EIF4G3: variants seen among roughly 807,000 people sequenced by gnomAD.
EIF4G3 encodes the protein eukaryotic translation initiation factor 4 gamma 3.
Under a neutral mutation model 186.4 loss-of-function variants are expected in EIF4G3, and 34 were observed. The observed-to-expected ratio is 0.18, with a 90% CI of 0.14 to 0.24. EIF4G3 has a LOEUF of 0.24. Among genes scored for constraint, EIF4G3 ranks in the 10% least tolerant of loss-of-function variants. The pLI, the probability that EIF4G3 is intolerant of heterozygous loss-of-function variation, is 1.00. For synonymous variants in EIF4G3, 673 were observed against 679.5 expected (o/e 0.99, Z 0.15); for missense variants, 1,536 against 1,948.5 (o/e 0.79, Z 3.99).
chr1:20,892,715 C>G, intron 18 of EIF4G3: 1 of 1,534,770 alleles, frequency 6.5e-7, no homozygotes, highest in Non-Finnish European at 8.7e-7. Context: ...CATGCCTGCT[C>G]TGCACTTTGC....
intron 12 of EIF4G3, among the ~76,000 whole-genome samples, chr1:20,967,986 T>G (rs562076662): frequency 1.4e-4 from 21 of 152,312 alleles, no homozygotes; most frequent in African/African-American, 5.1e-4. Flanking sequence ...AGGGACAGGA[T>G]CTTGCTATGT....
At chr1:20,997,665 G>T in intron 6 of EIF4G3, 32 bp from the exon 7 acceptor site, 1 of 1,524,448 alleles carries the variant, frequency 6.6e-7, no homozygotes, top group East Asian at 2.5e-5. Flanking sequence ...AACACAAAAG[G>T]AAAGGCACAA....
At chr1:21,112,306 C>A (rs1354484474) in intron 2 of EIF4G3, among the ~76,000 whole-genome samples, 1 of 152,146 alleles carries the variant, frequency 6.6e-6, no homozygotes, top group Non-Finnish European at 1.5e-5. Flanking sequence ...GAGTTGAAAA[C>A]CATTCTACAA....
chr1:20,999,320 C>T (rs957737246), intron 6 of EIF4G3: 4 of 363,062 alleles, frequency 1.1e-5, no homozygotes, highest in Non-Finnish European at 2.2e-5. Flanking sequence ...CTTGTATTTT[C>T]AGTTTTCCAA....
intron 3 of EIF4G3, among the ~76,000 whole-genome samples, chr1:21,083,695 C>A (rs2095866919): frequency 1.3e-5 from 2 of 152,066 alleles, no homozygotes; most frequent in Admixed American, 6.6e-5. Context: ...CAAATTAGAT[C>A]AAACTAAAAA....
At chr1:21,037,574 A>G (rs920863832) in intron 4 of EIF4G3, among the ~76,000 whole-genome samples, 1 of 152,216 alleles carries the variant, frequency 6.6e-6, no homozygotes, top group Non-Finnish European at 1.5e-5. Context: ...TATAAAATCA[A>G]TACCGTAAAA....
intron 2 of EIF4G3, among the ~76,000 whole-genome samples, chr1:21,101,574 A>AAAAAAAAAAAAAAC (rs1572565514): frequency 7.3e-6 from 1 of 136,834 alleles, no homozygotes; most frequent in African/African-American, 2.6e-5. Context: ...AAAAAAAAAA[A>AAAAAAAAAAAAAAC]ACAACAAAAA....
rs544455350 is a variant in EIF4G3 at position 20,857,511 on chromosome 1, A to G, written c.3245-14T>C. 4 of 1,602,500 alleles carry G rather than the reference A, an allele frequency of 2.5e-6. No homozygotes were observed. The highest frequency in any genetic ancestry group is 1.7e-5 in the Admixed American group (1 of 59,980). ...CTCTCTGGACACCTGCAGGGAGAACAGAGTGGGAGTCTCTCATCTGTCTCA... is the reference window on the plus strand; with the variant it reads ...CTCTCTGGACACCTGCAGGGAGAACGGAGTGGGAGTCTCTCATCTGTCTCA... On this transcript the variant is annotated splice_polypyrimidine_tract_variant and intron_variant, in intron 24 of 36. Transcript: ENST00000602326.
chr1:21,033,534 G>A, intron 4 of EIF4G3, among the ~76,000 whole-genome samples: 1 of 152,122 alleles, frequency 6.6e-6, no homozygotes, highest in Non-Finnish European at 1.5e-5. Flanking sequence ...ATCCTATGAT[G>A]CAGGCACTGT....
intron 3 of EIF4G3, among the ~76,000 whole-genome samples, chr1:21,068,253 C>T (rs1043075366): frequency 1.3e-5 from 2 of 151,574 alleles, no homozygotes; most frequent in African/African-American, 4.8e-5. Flanking sequence ...CCTGTAATCC[C>T]AGCTACTCGG....
chr1:20,892,646 G>C (rs973659798), intron 18 of EIF4G3: 5 of 1,535,944 alleles, frequency 3.3e-6, no homozygotes, highest in Non-Finnish European at 4.4e-6. Flanking sequence ...TCATGGGTGG[G>C]TGTGACATCA....
At chr1:21,128,545 T>C (rs2097094616) in intron 2 of EIF4G3, among the ~76,000 whole-genome samples, 1 of 152,168 alleles carries the variant, frequency 6.6e-6, no homozygotes, top group Non-Finnish European at 1.5e-5. Flanking sequence ...TTGTCAATTA[T>C]ATAACTTTGC....
At chr1:20,981,520 CATACATACATGTATACGCACATACTGT>C (rs2078003619) in intron 8 of EIF4G3, among the ~76,000 whole-genome samples, 1 of 66,008 alleles carries the variant, frequency 1.5e-5, no homozygotes, top group African/African-American at 5.3e-5. Context: ...TGTATATATA[CATACATACATGTATACGCACATACTGT>C]ATGTATACAT....
At chr1:21,170,870 C>T (rs768461240) in intron 2 of EIF4G3, among the ~76,000 whole-genome samples, 1 of 151,944 alleles carries the variant, frequency 6.6e-6, no homozygotes, top group Non-Finnish European at 1.5e-5. Flanking sequence ...CACCTGTAAT[C>T]CCAGCTACTT....
At chr1:20,820,244 C>G (rs1344868752) in intron 33 of EIF4G3, among the ~76,000 whole-genome samples, 1 of 151,960 alleles carries the variant, frequency 6.6e-6, no homozygotes, top group Non-Finnish European at 1.5e-5. Context: ...AGACCTGGGC[C>G]TCCCGTTCCA....
chr1:21,092,886 T>C (rs1206255086), intron 2 of EIF4G3, among the ~76,000 whole-genome samples: 1 of 152,194 alleles, frequency 6.6e-6, no homozygotes, highest in Non-Finnish European at 1.5e-5. Context: ...CTGGGAAAAC[T>C]GGCTAGCCAT....
At chr1:21,003,163 AT>A (rs1308863471) in intron 4 of EIF4G3, among the ~76,000 whole-genome samples, 113 of 105,700 alleles carry the variant, frequency 1.1e-3, no homozygotes, top group African/African-American at 3.7e-3. Context: ...TGCCGGACTA[AT>A]TTTTTTCTTT....
intron 3 of EIF4G3, among the ~76,000 whole-genome samples, chr1:21,061,509 G>A (rs2094911240): frequency 6.6e-6 from 1 of 152,080 alleles, no homozygotes; most frequent in African/African-American, 2.4e-5. Flanking sequence ...GAGCAGTCAG[G>A]GCCAAGCAAG....
chr1:20,876,222 CAAAAAAA>C (rs34150070), intron 20 of EIF4G3, among the ~76,000 whole-genome samples: 5 of 13,978 alleles, frequency 3.6e-4, no homozygotes, highest in South Asian at 2.5e-3. Context: ...GAGCCTGTCT[CAAAAAAA>C]AAAAAAAAAA....
Sources: allele counts gnomAD v4.1 joint callset (sites outside exome capture counted in the v4.1 genomes callset), GRCh38; gene constraint gnomAD v4.1.1; transcripts MANE v1.5; gene names NCBI Gene and HGNC (gene_info 2026-07-23, HGNC 2026-07-21).